The following REPS1 variants were observed in gnomAD, a reference collection of about 807,000 sequenced individuals.
The protein encoded by REPS1 is RALBP1 associated Eps domain containing 1, also known as ralBP1-associated Eps domain-containing protein 1.
REPS1 carries 39 observed loss-of-function variants against 100.9 expected under a neutral mutation model. The ratio of observed to expected loss-of-function variants is 0.39; its 90% CI spans 0.30 to 0.50. The LOEUF is 0.50. Among genes scored for constraint, REPS1 ranks in the 20% least tolerant of loss-of-function variants. The pLI is 0.86. For synonymous variants in REPS1, 324 were observed against 340.3 expected (o/e 0.95, Z 0.53); for missense variants, 821 against 968.5 (o/e 0.85, Z 2.02).
At chr6:138,944,401 C>T (rs995482725) in intron 5 of REPS1, 97 bp downstream of exon 5, 13 of 1,351,184 alleles carry the variant, frequency 9.6e-6, no homozygotes, top group Admixed American at 2.2e-5. Flanking sequence ...AGTGGATTTG[C>T]ATTTATAAAA....
chr6:138,953,575 T>C (rs1783179374), intron 1 of REPS1, among the ~76,000 whole-genome samples: 1 of 151,784 alleles, frequency 6.6e-6, no homozygotes. Context: ...GTCATATGCA[T>C]GGTCAACAAA....
chr6:138,911,841 GGA>G (rs970453857), intron 16 of REPS1, among the ~76,000 whole-genome samples: 2 of 151,920 alleles, frequency 1.3e-5, no homozygotes, highest in Non-Finnish European at 2.9e-5. Flanking sequence ...GATGTGTGAG[GGA>G]GAGGAGGACA....
At chr6:138,916,387 ATTT>A (rs1780397935) in intron 13 of REPS1, among the ~76,000 whole-genome samples, 1 of 151,596 alleles carries the variant, frequency 6.6e-6, no homozygotes, top group Non-Finnish European at 1.5e-5. Context: ...TGCCCGGCTA[ATTT>A]TTGTATTTTT....
chr6:138,969,859 ATTTTT>A (rs56070030), intron 1 of REPS1, among the ~76,000 whole-genome samples: 5 of 94,636 alleles, frequency 5.3e-5, no homozygotes, highest in Admixed American at 1.3e-4. Flanking sequence ...GTGAATTGGG[ATTTTT>A]TTTTTTTTTT....
chr6:138,978,422 G>C, intron 1 of REPS1, among the ~76,000 whole-genome samples: 1 of 151,218 alleles, frequency 6.6e-6, no homozygotes, highest in Middle Eastern at 3.2e-3. Flanking sequence ...TCCTGCCTCA[G>C]CCTCCCAAGT....
chr6:138,929,881 T>C lies in REPS1; in HGVS notation c.1257+96A>G. The C allele has an allele frequency of 3.4e-6, 4 of 1,187,622 alleles. No homozygotes were observed. In the South Asian group the frequency reaches 4.0e-5, roughly 12 times the overall value. 73.6% of individuals were successfully genotyped at this position (1,187,622 alleles called of 1,614,324 possible). ...TCTGATATGTTCTCTCAATTATGCA[T>C]GCATGCTGGAAGAGACAGACTGAAA... On this transcript the variant is annotated intron_variant, in intron 9 of 19. Coordinates refer to ENST00000450536, the MANE Select transcript of REPS1 (RefSeq NM_001286611.2).
At chr6:138,982,550 T>TA (rs1562572645) in intron 1 of REPS1, among the ~76,000 whole-genome samples, 2 of 152,160 alleles carry the variant, frequency 1.3e-5, no homozygotes, top group African/African-American at 4.8e-5. Context: ...TCCTAATCTT[T>TA]AAAAAACAAA....
At chr6:138,924,547 CTATGAGTGATT>C (rs150406343) in intron 10 of REPS1, among the ~76,000 whole-genome samples, 52,404 of 151,888 alleles carry the variant, frequency 0.35, 11,031 homozygotes, top group Admixed American at 0.5. Context: ...AATCATAATA[CTATGAGTGATT>C]ATTGTCACTA....
At chr6:138,917,246 T>C (rs1363251557) in intron 13 of REPS1, among the ~76,000 whole-genome samples, 2 of 152,360 alleles carry the variant, frequency 1.3e-5, no homozygotes, top group East Asian at 3.9e-4. Flanking sequence ...GTACTTACCA[T>C]AAGGCTATAC....
intron 1 of REPS1, among the ~76,000 whole-genome samples, chr6:138,984,684 GC>G (rs1387629716): frequency 1.3e-5 from 2 of 152,078 alleles, no homozygotes; most frequent in Non-Finnish European, 2.9e-5. Flanking sequence ...TACAAAATCA[GC>G]CCCCAAGTTA....
intron 18 of REPS1, 56 bp downstream of exon 18, chr6:138,908,609 TTAA>T: frequency 6.3e-7 from 1 of 1,593,048 alleles, no homozygotes; most frequent in South Asian, 1.1e-5. Flanking sequence ...TTGATTACTT[TTAA>T]TTGTCGTGCT....
intron 15 of REPS1, 91 bp from the exon 16 acceptor site, chr6:138,913,041 T>A: frequency 1.0e-6 from 1 of 984,214 alleles, no homozygotes; most frequent in Non-Finnish European, 1.5e-6. Flanking sequence ...ACTTAGTATA[T>A]AAAGATGACC....
intron 11 of REPS1, among the ~76,000 whole-genome samples, chr6:138,920,591 T>C (rs528467627): frequency 6.6e-6 from 1 of 152,332 alleles, no homozygotes; most frequent in South Asian, 2.1e-4. Flanking sequence ...ACACTACATA[T>C]GTAAACTGTA....
At position 138,944,347 on chromosome 6, in the gene REPS1, C is replaced by T. The variant is rs1018355112; in HGVS notation, c.753+151G>A. The T allele has an allele frequency of 6.0e-6, 5 of 830,644 alleles. No homozygotes were observed. In the Admixed American group the frequency reaches 9.1e-5, roughly 15 times the overall value. The allele number at this position is 830,644 out of a possible 1,614,324, so 51.5% of individuals were successfully genotyped here. On this transcript the variant is annotated intron_variant, in intron 5 of 19. Transcript: ENST00000450536. ...ATCAGCTGAAACATTCCAATGATAA[C>T]AGATTTGAAATGCACAGAGCAGAAT... is the stretch of plus-strand genomic sequence containing the variant.
intron 1 of REPS1, among the ~76,000 whole-genome samples, chr6:138,955,628 GC>G (rs901309222): frequency 2.6e-5 from 4 of 151,870 alleles, no homozygotes; most frequent in African/African-American, 9.7e-5. Context: ...AGGAATATCA[GC>G]CCAGAGAAGT....
At chr6:138,906,506 T>C (rs1325946147) in intron 19 of REPS1, among the ~76,000 whole-genome samples, 2 of 152,214 alleles carry the variant, frequency 1.3e-5, no homozygotes, top group Admixed American at 1.3e-4. Flanking sequence ...TACGTGGTCT[T>C]CCTAAACAGA....
intron 1 of REPS1, chr6:138,951,289 GAT>G (rs1426163386): frequency 1.3e-5 from 2 of 152,054 alleles, no homozygotes; most frequent in African/African-American, 2.4e-5. Context: ...ACCACATAAA[GAT>G]GTTAATTTTA....
intron 8 of REPS1, among the ~76,000 whole-genome samples, chr6:138,933,061 A>T (rs2128460718): frequency 6.6e-6 from 1 of 152,350 alleles, no homozygotes; most frequent in Non-Finnish European, 1.5e-5. Context: ...CCAATGCATT[A>T]CGGTATAAAA....
chr6:138,925,970 G>A (rs181214518), intron 10 of REPS1, among the ~76,000 whole-genome samples: 1 of 152,192 alleles, frequency 6.6e-6, no homozygotes, highest in East Asian at 1.9e-4. Context: ...TTAAATAAAA[G>A]CCATGTCATT....
Sources: gnomAD v4.1 joint callset for allele counts (sites outside exome capture counted in the v4.1 genomes callset) on GRCh38, gnomAD v4.1.1 for gene constraint, MANE v1.5 for transcripts, NCBI Gene and HGNC (gene_info 2026-07-23, HGNC 2026-07-21) for gene names.